SERINC5: variants seen among roughly 807,000 people sequenced by gnomAD.
The protein encoded by SERINC5 is serine incorporator 5, also known as chromosome 5 open reading frame 12.
A neutral mutation model predicts 63.1 loss-of-function variants in SERINC5; 41 were observed. The ratio of observed to expected loss-of-function variants is 0.65; its 90% CI spans 0.51 to 0.84. The LOEUF (loss-of-function observed/expected upper bound fraction) is 0.84. SERINC5 is among the 40% of genes least tolerant of loss of function. The pLI, the probability that SERINC5 is intolerant of heterozygous loss-of-function variation, is 0.00. For missense variants in SERINC5, 523 were observed against 573.0 expected (o/e 0.91, Z 0.89); for synonymous variants, 222 against 215.2 (o/e 1.03, Z -0.28).
Position 80,139,935 on chromosome 5 carries a change from T to G in SERINC5, c.*3728A>C. ...CTATTTGGAAAGGCAATAAAGGGAG[T>G]GTAAAAGCCTAGGTAGCTTAAATAC... On this transcript the variant is annotated 3_prime_UTR_variant, in exon 12 of 12. Coordinates refer to ENST00000507668, the MANE Select transcript of SERINC5 (RefSeq NM_001174072.3). The G allele has an allele frequency of 6.1e-6, 6 of 985,124 alleles. No individual in the cohort carries two copies. Among genetic ancestry groups the G allele is most frequent in the Non-Finnish European group, 7.2e-6 (6 of 829,878 alleles). 61.0% of individuals were successfully genotyped at this position (985,124 alleles called of 1,614,324 possible).
At chr5:80,183,786 T>C (rs747452714) in intron 2 of SERINC5, among the ~76,000 whole-genome samples, 16 of 151,944 alleles carry the variant, frequency 1.1e-4, no homozygotes, top group East Asian at 7.8e-4. Flanking sequence ...CCCACCCCTA[T>C]CTCCCTTCGC....
intron 11 of SERINC5, among the ~76,000 whole-genome samples, chr5:80,121,184 G>C (rs1413805740): frequency 6.6e-6 from 1 of 152,202 alleles, no homozygotes; most frequent in Non-Finnish European, 1.5e-5. Context: ...AACGCACCCA[G>C]CCAAGAAAGG....
At chr5:80,199,108 C>A (rs1749674981) in intron 2 of SERINC5, among the ~76,000 whole-genome samples, 2 of 152,194 alleles carry the variant, frequency 1.3e-5, no homozygotes, top group Non-Finnish European at 2.9e-5. Context: ...AAACACTTCA[C>A]CTTGGCACTA....
chr5:80,152,866 C>T (rs1281163279), intron 8 of SERINC5, among the ~76,000 whole-genome samples: 2 of 152,144 alleles, frequency 1.3e-5, no homozygotes, highest in African/African-American at 4.8e-5. Context: ...GCTTGACACT[C>T]AGGAGGCAGA....
At chr5:80,186,157 ACAG>A (rs1748789919) in intron 2 of SERINC5, among the ~76,000 whole-genome samples, 1 of 118,346 alleles carries the variant, frequency 8.4e-6, no homozygotes, top group African/African-American at 3.4e-5. Flanking sequence ...AAAAAAAAAG[ACAG>A]AGTTTCACTC....
intron 2 of SERINC5, among the ~76,000 whole-genome samples, chr5:80,182,370 A>C (rs1220677350): frequency 6.6e-6 from 1 of 152,162 alleles, no homozygotes; most frequent in Non-Finnish European, 1.5e-5. Context: ...GCTGTTTTAT[A>C]CAAAAAATTT....
At chr5:80,210,408 T>C (rs1750380426) in intron 1 of SERINC5, among the ~76,000 whole-genome samples, 1 of 152,146 alleles carries the variant, frequency 6.6e-6, no homozygotes, top group South Asian at 2.1e-4. Flanking sequence ...AAAAAATAAA[T>C]ATGTCTCCCT....
chr5:80,251,918 T>C, intron 1 of SERINC5, among the ~76,000 whole-genome samples: 1 of 44,906 alleles, frequency 2.2e-5, no homozygotes, highest in Non-Finnish European at 5.1e-5. Flanking sequence ...GCATTATTAT[T>C]GTCATAAATG....
chr5:80,183,558 AAAG>A (rs1175871915), intron 2 of SERINC5, among the ~76,000 whole-genome samples: 1 of 152,114 alleles, frequency 6.6e-6, no homozygotes, highest in African/African-American at 2.4e-5. Context: ...AAGAATCACA[AAAG>A]AAGTGAAAAG....
chr5:80,237,010 G>A (rs1751723358), intron 1 of SERINC5, among the ~76,000 whole-genome samples: 1 of 151,676 alleles, frequency 6.6e-6, no homozygotes, highest in African/African-American at 2.4e-5. Context: ...GTATTTTGTA[G>A]AGACGGGGTT....
chr5:80,242,690 CAG>C (rs1751999059), intron 1 of SERINC5, among the ~76,000 whole-genome samples: 1 of 152,084 alleles, frequency 6.6e-6, no homozygotes, highest in African/African-American at 2.4e-5. Flanking sequence ...GCGGAGGTTG[CAG>C]TGAGCCAAGA....
downstream of SERINC5, among the ~76,000 whole-genome samples, chr5:80,134,355 G>A (rs1372703056): frequency 2.0e-5 from 3 of 152,030 alleles, no homozygotes; most frequent in African/African-American, 7.2e-5. Context: ...GCGTGGTGGC[G>A]TGCACCTGTA....
intron 1 of SERINC5, among the ~76,000 whole-genome samples, chr5:80,206,826 T>C (rs1750189265): frequency 6.7e-6 from 1 of 150,328 alleles, no homozygotes. Flanking sequence ...TTTTTTTTTT[T>C]TTTTAAGAGA....
chr5:80,225,131 G>A (rs1367737802), intron 1 of SERINC5, among the ~76,000 whole-genome samples: 8 of 152,042 alleles, frequency 5.3e-5, no homozygotes, highest in Non-Finnish European at 1.2e-4. Flanking sequence ...AGTAGAGACT[G>A]GGTTTCACCA....
In SERINC5 at chr5:80,141,759, A is replaced by G; in HGVS notation, c.*1904T>C. ...ACGGCTTTTCATTTTGCGACTCCAGATGAATCTTTTAACTGCTGAGTACAG... is the reference window on the plus strand; with the variant it reads ...ACGGCTTTTCATTTTGCGACTCCAGGTGAATCTTTTAACTGCTGAGTACAG... On this transcript the variant is annotated 3_prime_UTR_variant, in exon 12 of 12. Transcript: ENST00000507668. 1 of 985,378 alleles carries G rather than the reference A, an allele frequency of 1.0e-6. No homozygotes were observed. Among genetic ancestry groups the G allele is most frequent in the Non-Finnish European group, 1.2e-6 (1 of 829,910 alleles). 61.0% of individuals were successfully genotyped at this position (985,378 alleles called of 1,614,324 possible).
chr5:80,214,929 A>G (rs922002412), intron 1 of SERINC5, among the ~76,000 whole-genome samples: 5 of 152,222 alleles, frequency 3.3e-5, no homozygotes, highest in Non-Finnish European at 5.9e-5. Flanking sequence ...AATTTTATGT[A>G]TGCATTTTTT....
intron 1 of SERINC5, among the ~76,000 whole-genome samples, chr5:80,238,207 T>C (rs1433480763): frequency 6.6e-6 from 1 of 151,692 alleles, no homozygotes; most frequent in Non-Finnish European, 1.5e-5. Context: ...TACAGCTTCA[T>C]GCTTTTCAAA....
intron 2 of SERINC5, among the ~76,000 whole-genome samples, chr5:80,178,500 C>A (rs1018608876): frequency 7.4e-5 from 11 of 148,914 alleles, no homozygotes; most frequent in African/African-American, 2.5e-4. Flanking sequence ...TTAGCTGGGA[C>A]TACAGGCACG....
chr5:80,124,804 T>C (rs1041678032), intron 11 of SERINC5, among the ~76,000 whole-genome samples: 1 of 152,116 alleles, frequency 6.6e-6, no homozygotes, highest in Non-Finnish European at 1.5e-5. Context: ...CTGAACCACC[T>C]TGGGTCAGGC....
Sources: gnomAD v4.1 joint callset for allele counts (sites outside exome capture counted in the v4.1 genomes callset) on GRCh38, gnomAD v4.1.1 for gene constraint, MANE v1.5 for transcripts, NCBI Gene and HGNC (gene_info 2026-07-23, HGNC 2026-07-21) for gene names.